The following PDIA5 variants were observed in gnomAD, a reference collection of about 807,000 sequenced individuals.
PDIA5 encodes protein disulfide-isomerase A5.
PDIA5 carries 58 observed loss-of-function variants against 77.6 expected under a neutral mutation model. That is an observed-to-expected ratio of 0.75 (90% CI 0.61 to 0.93). The LOEUF (loss-of-function observed/expected upper bound fraction) is 0.93, where lower values mean the gene tolerates loss of function less well. PDIA5 is among the 40% of genes least tolerant of loss of function. PDIA5 has a pLI of 0.00. For synonymous variants in PDIA5, 250 were observed against 252.1 expected (o/e 0.99, Z 0.08); for missense variants, 630 against 647.7 (o/e 0.97, Z 0.30).
At chr3:123,084,818 T>A (rs896460486) in intron 1 of PDIA5, among the ~76,000 whole-genome samples, 1 of 152,150 alleles carries the variant, frequency 6.6e-6, no homozygotes, top group Admixed American at 6.5e-5. Flanking sequence ...TTGATCTGTG[T>A]CTCTCCACGC....
At chr3:123,077,268 T>C (rs1166741904) in intron 1 of PDIA5, among the ~76,000 whole-genome samples, 1 of 152,216 alleles carries the variant, frequency 6.6e-6, no homozygotes, top group Non-Finnish European at 1.5e-5. Flanking sequence ...ATAATAAAAG[T>C]GCTTACTTTA....
Position 123,161,815 on chromosome 3 carries a change from G to T in PDIA5, c.1480-65G>T, listed in dbSNP as rs1312514347. On this transcript the variant is annotated intron_variant, in intron 16 of 16. Coordinates refer to ENST00000316218, the MANE Select transcript of PDIA5 (RefSeq NM_006810.4). ...TGGAGGGGCTGGGGGTGTGGGGAGA[G>T]AGAGTGCACAGCCAGCTCAGGGATT... is the stretch of plus-strand genomic sequence containing the variant. The T allele has an allele frequency of 3.8e-6, 4 of 1,050,320 alleles. No homozygotes were observed. The South Asian group carries it at 5.2e-5, about 14-fold the overall frequency. 65.1% of individuals were successfully genotyped at this position (1,050,320 alleles called of 1,614,324 possible).
chr3:123,068,430 G>C (rs528308593), intron 1 of PDIA5, among the ~76,000 whole-genome samples: 2 of 152,226 alleles, frequency 1.3e-5, no homozygotes, highest in Non-Finnish European at 2.9e-5. Context: ...CCCTCTTGGG[G>C]AGAACCAGGC....
At chr3:123,109,340 A>T (rs909264300) in intron 6 of PDIA5, among the ~76,000 whole-genome samples, 6 of 152,238 alleles carry the variant, frequency 3.9e-5, no homozygotes, top group Non-Finnish European at 8.8e-5. Flanking sequence ...TACTCAGGGT[A>T]TGAAACCAAA....
At chr3:123,088,119 T>C (rs1934188034) in intron 1 of PDIA5, among the ~76,000 whole-genome samples, 2 of 152,190 alleles carry the variant, frequency 1.3e-5, no homozygotes, top group Non-Finnish European at 2.9e-5. Flanking sequence ...AGTGGAACTT[T>C]TCTTACTCAA....
chr3:123,161,445 G>A lies in PDIA5; in HGVS notation c.1469G>A (p.Ser490Asn), dbSNP rs762686642. 1 of 1,613,914 alleles carries A rather than the reference G, an allele frequency of 6.2e-7. No homozygotes were observed. The highest frequency in any genetic ancestry group is 1.1e-5 in the South Asian group (1 of 91,058). ...GGGAAGTTCGCAGAAAAGTATGACAGCGACCGCACAGTAAGTGGGGGAGAG... is the reference window on the plus strand; with the variant it reads ...GGGAAGTTCGCAGAAAAGTATGACAACGACCGCACAGTAAGTGGGGGAGAG... The part of the protein sequence containing the change: ...HYGKFAEKYD[S>N]DRTELGFTNY... The change falls in exon 16 of 17, where the codon AGC (serine) becomes AAC (asparagine). Residue 490 changes from serine to asparagine, a missense_variant. Ser to Asn is a conservative substitution (Grantham distance 46). Transcript: ENST00000316218.
chr3:123,090,653 T>G (rs944827434), intron 2 of PDIA5, among the ~76,000 whole-genome samples: 1 of 152,160 alleles, frequency 6.6e-6, no homozygotes. Flanking sequence ...GATTCTGCAA[T>G]GACAGAAGGG....
chr3:123,139,106 C>A (rs371311599), intron 11 of PDIA5, among the ~76,000 whole-genome samples: 2 of 152,184 alleles, frequency 1.3e-5, no homozygotes, highest in African/African-American at 2.4e-5. Flanking sequence ...TCACGGAAAT[C>A]GGAGTAAGTG....
chr3:123,160,364 G>A (rs1936131327), intron 15 of PDIA5, among the ~76,000 whole-genome samples: 1 of 152,228 alleles, frequency 6.6e-6, no homozygotes, highest in Non-Finnish European at 1.5e-5. Flanking sequence ...CCCAGCATGT[G>A]GAATTTGCTA....
At chr3:123,154,938 C>T (rs1232498898) in intron 14 of PDIA5, 33 bp from the exon 15 acceptor site, 3 of 1,459,716 alleles carry the variant, frequency 2.1e-6, no homozygotes, top group Non-Finnish European at 2.9e-6. Context: ...ACATGCATCA[C>T]AGTCCTGTGT....
At chr3:123,082,279 G>C (rs1934031118) in intron 1 of PDIA5, among the ~76,000 whole-genome samples, 1 of 152,072 alleles carries the variant, frequency 6.6e-6, no homozygotes. Context: ...GGAGCTTGTG[G>C]GGTTGAGAGA....
chr3:123,126,562 C>T (rs774517442), intron 10 of PDIA5, among the ~76,000 whole-genome samples: 1 of 152,188 alleles, frequency 6.6e-6, no homozygotes, highest in Non-Finnish European at 1.5e-5. Flanking sequence ...TTATTATTTC[C>T]CCTACATAGA....
At position 123,128,105 on chromosome 3, in the gene PDIA5, G is replaced by A. The variant is rs142793264; in HGVS notation, c.774-2375G>A. On this transcript the variant is annotated intron_variant, in intron 10 of 16. Coordinates refer to ENST00000316218, the MANE Select transcript of PDIA5 (RefSeq NM_006810.4). ...AAAAGAAACTTCCAGTCATCTCCTGGGTGGGAGAGGGGAGAGCCCTAGGAT... is the reference window on the plus strand; with the variant it reads ...AAAAGAAACTTCCAGTCATCTCCTGAGTGGGAGAGGGGAGAGCCCTAGGAT... Among the ~76,000 whole-genome samples the A allele has an allele frequency of 4.2e-3, 640 of 152,280 alleles. 4 individuals carry two copies. The highest frequency in any genetic ancestry group is 8.0e-3 in the Admixed American group (123 of 15,300).
At chr3:123,150,835 G>A (rs754631644) in intron 14 of PDIA5, among the ~76,000 whole-genome samples, 8 of 152,176 alleles carry the variant, frequency 5.3e-5, no homozygotes, top group South Asian at 2.1e-4. Context: ...TGCTGTGCTC[G>A]TTTTAATCAG....
In PDIA5 at chr3:123,069,489, C is replaced by G. The variant is rs185517728; in HGVS notation, c.42+2283C>G. Among the ~76,000 whole-genome samples the G allele has an allele frequency of 4.6e-5, 7 of 152,282 alleles. No homozygotes were observed. In the East Asian group the frequency reaches 1.4e-3, roughly 29 times the overall value. Reference sequence around the variant, plus strand: ...CCTGCTATAAGAAATATCCCATAGACTGGTGGTGTAGAACAATTGAAATGT... The same window carrying G: ...CCTGCTATAAGAAATATCCCATAGAGTGGTGGTGTAGAACAATTGAAATGT... On this transcript the variant is annotated intron_variant, in intron 1 of 16. Transcript: ENST00000316218.
intron 8 of PDIA5, among the ~76,000 whole-genome samples, chr3:123,119,348 A>G (rs559724979): frequency 6.6e-6 from 1 of 152,196 alleles, no homozygotes; most frequent in Non-Finnish European, 1.5e-5. Context: ...CAGAAAAGTC[A>G]GGGGCGTTGT....
chr3:123,130,759 A>C, intron 11 of PDIA5, 143 bp downstream of exon 11: 1 of 880,010 alleles, frequency 1.1e-6, no homozygotes, highest in Non-Finnish European at 1.8e-6. Flanking sequence ...CAGTGGTGAC[A>C]GGCGAGGTCC....
At chr3:123,150,848 C>G (rs1250154913) in intron 14 of PDIA5, among the ~76,000 whole-genome samples, 2 of 152,174 alleles carry the variant, frequency 1.3e-5, no homozygotes, top group African/African-American at 4.8e-5. Context: ...TTAATCAGAG[C>G]TCAAGCTGAG....
intron 14 of PDIA5, among the ~76,000 whole-genome samples, chr3:123,151,838 T>C (rs1935909513): frequency 6.7e-6 from 1 of 148,274 alleles, no homozygotes; most frequent in Non-Finnish European, 1.5e-5. Context: ...CCTTCCTGCC[T>C]GCCTGCCTTC....
Sources: allele counts gnomAD v4.1 joint callset (sites outside exome capture counted in the v4.1 genomes callset), GRCh38; gene constraint gnomAD v4.1.1; transcripts MANE v1.5; gene names NCBI Gene and HGNC (gene_info 2026-07-23, HGNC 2026-07-21).